The following RADIL variants were observed in gnomAD, a reference collection of about 807,000 sequenced individuals.
RADIL encodes Rap associating with DIL domain, also known as ras-associating and dilute domain-containing protein.
RADIL carries 99 observed loss-of-function variants against 97.6 expected under a neutral mutation model. That is an observed-to-expected ratio of 1.01 (90% CI 0.86 to 1.20). The LOEUF (loss-of-function observed/expected upper bound fraction) is 1.20. Ranked by LOEUF, RADIL falls within the 50% of genes most tolerant of loss-of-function variation. RADIL has a pLI of 0.00. For missense variants in RADIL, 1,765 were observed against 1,498.9 expected, an observed-to-expected ratio of 1.18 and a Z score of -2.93; for synonymous variants, 803 against 691.8, an observed-to-expected ratio of 1.16 and a Z score of -2.52.
At chr7:4,875,759 G>C (rs549694362) in intron 2 of RADIL, among the ~76,000 whole-genome samples, 8 of 152,124 alleles carry the variant, frequency 5.3e-5, no homozygotes, top group Non-Finnish European at 1.5e-5. Flanking sequence ...CCTCCCTTTC[G>C]GGTTTCCTGG....
At chr7:4,861,858 TCGCGGC>T in intron 2 of RADIL, 5 of 1,291,338 alleles carry the variant, frequency 3.9e-6, no homozygotes, top group Non-Finnish European at 5.1e-6. Context: ...ACCGCGACCT[TCGCGGC>T]CGCCGCCCGG....
In RADIL at chr7:4,837,644, C is replaced by T. The variant is rs1235654977; in HGVS notation, c.536-1039G>A. On this transcript the variant is annotated intron_variant, in intron 2 of 14. Transcript: ENST00000399583. The surrounding 1 kb of genome is among the most constrained non-coding windows in gnomAD (Gnocchi z 5.6). ...ACATGCACCCAAAAACACACATGCA[C>T]ACACATACACACACGCCAACACACA... Among the ~76,000 whole-genome samples the T allele has an allele frequency of 6.6e-6, 1 of 152,064 alleles. No homozygotes were observed. Among genetic ancestry groups the T allele is most frequent in the Non-Finnish European group, 1.5e-5 (1 of 68,004 alleles).
rs1205861306 is a variant in RADIL at position 4,809,050 on chromosome 7, C to T, written c.2140-3334G>A. On this transcript the variant is annotated intron_variant, in intron 9 of 14. Coordinates refer to ENST00000399583, the MANE Select transcript of RADIL (RefSeq NM_018059.5). ...TGTCCCCTTCCGACGCCACTGCCCC[C>T]CCGTTCCAATGCCACTGCCCCTCCG... 11 of 959,416 alleles carry T rather than the reference C, an allele frequency of 1.1e-5. No homozygotes were observed. The African/African-American group carries it at 2.1e-4, about 18-fold the overall frequency. The allele number at this position is 959,416 out of a possible 1,614,324, so 59.4% of individuals were successfully genotyped here.
rs1254454335 is a variant in RADIL at position 4,835,045 on chromosome 7, G to A, written c.978C>T (p.Ser326=). The part of the protein sequence containing the change: ...VLEPIPGAHI[S]VNFSEVGHRT... ...TGTGCCCCACCTCGGAGAAGTTGACGGAGATGTGCGCCCCGGGGATGGGCT... is the reference window on the plus strand; with the variant it reads ...TGTGCCCCACCTCGGAGAAGTTGACAGAGATGTGCGCCCCGGGGATGGGCT... The change falls in exon 4 of 15, where the codon TCC becomes TCT. Residue 326 remains serine (S), a synonymous_variant. Coordinates refer to ENST00000399583, the MANE Select transcript of RADIL (RefSeq NM_018059.5). The surrounding 1 kb of genome is among the most constrained non-coding windows in gnomAD (Gnocchi z 5.8). The A allele has an allele frequency of 5.0e-6, 8 of 1,609,454 alleles. No individual in the cohort carries two copies. The highest frequency in any genetic ancestry group is 2.2e-5 in the East Asian group (1 of 44,700).
chr7:4,828,447 G>C (rs1172470196), intron 5 of RADIL, among the ~76,000 whole-genome samples: 1 of 152,184 alleles, frequency 6.6e-6, no homozygotes, highest in Non-Finnish European at 1.5e-5. Context: ...GACAGAATGA[G>C]ACCCTGTCTC....
In RADIL at chr7:4,867,357, T is replaced by G. The variant is rs1448204580; in HGVS notation, c.535+10248A>C. Among the ~76,000 whole-genome samples, 2 of 151,932 alleles carry G rather than the reference T, an allele frequency of 1.3e-5. No homozygotes were observed. Among genetic ancestry groups the G allele is most frequent in the Admixed American group, 1.3e-4 (2 of 15,242 alleles). On this transcript the variant is annotated intron_variant, in intron 2 of 14. Coordinates refer to ENST00000399583, the MANE Select transcript of RADIL (RefSeq NM_018059.5). The surrounding 1 kb of genome is among the most constrained non-coding windows in gnomAD (Gnocchi z 4.1). ...CAGGTTCATTGTGTCACCATTTTAGTAGGAAGAAGCTGTACCCAATTTGAG... is the reference window on the plus strand; with the variant it reads ...CAGGTTCATTGTGTCACCATTTTAGGAGGAAGAAGCTGTACCCAATTTGAG...
rs760588803 is a variant in RADIL at position 4,855,620 on chromosome 7, TAAA to T, written c.536-19018_536-19016del. ...ACACTGTTAGACTTTTTTATTTTTG[TAAA>T]AAAAAAAAAAAAAAAAAAAAAAAAG... On this transcript the variant is annotated intron_variant, in intron 2 of 14. Coordinates refer to ENST00000399583, the MANE Select transcript of RADIL (RefSeq NM_018059.5). Among the ~76,000 whole-genome samples the T allele has an allele frequency of 4.9e-3, 432 of 88,142 alleles. 1 individual carries two copies. Among genetic ancestry groups the T allele is most frequent in the African/African-American group, 0.015 (403 of 27,362 alleles). The allele number at this position is 88,142 out of a possible 152,430, so 57.8% of individuals were successfully genotyped here.
At chr7:4,838,438 C>A (rs1011819683) in intron 2 of RADIL, among the ~76,000 whole-genome samples, 1 of 152,172 alleles carries the variant, frequency 6.6e-6, no homozygotes, top group Non-Finnish European at 1.5e-5. Flanking sequence ...CTCCTAGAGT[C>A]CCAGGGGCTC....
At position 4,871,989 on chromosome 7, in the gene RADIL, G is replaced by T. The variant is rs527726521; in HGVS notation, c.535+5616C>A. Among the ~76,000 whole-genome samples the T allele has an allele frequency of 3.5e-3, 533 of 152,262 alleles. 1 individual carries two copies. The highest frequency in any genetic ancestry group is 5.8e-3 in the Non-Finnish European group (394 of 68,018). Reference sequence around the variant, plus strand: ...CGGTGATGTCCCTGTCTCCAGGAACGCATGAATGCCAAGACTCTGCACGTC... The same window carrying T: ...CGGTGATGTCCCTGTCTCCAGGAACTCATGAATGCCAAGACTCTGCACGTC... On this transcript the variant is annotated intron_variant, in intron 2 of 14. Transcript: ENST00000399583.
At chr7:4,859,190 T>C (rs1057175881) in intron 2 of RADIL, 3 of 152,594 alleles carry the variant, frequency 2.0e-5, no homozygotes, top group Middle Eastern at 3.2e-3. Flanking sequence ...TGCACAATGG[T>C]ATCCAATTTT....
Position 4,815,526 on chromosome 7 carries a change from C to T in RADIL, c.1967-76G>A. The stretch of plus-strand genomic sequence containing the variant: ...CACAGACATGGGCCTGTCCCCAGAG[C>T]CTGCCCTTCCCGGCTCTGGGCCACT... On this transcript the variant is annotated intron_variant, in intron 8 of 14. Coordinates refer to ENST00000399583, the MANE Select transcript of RADIL (RefSeq NM_018059.5). The surrounding 1 kb of genome is among the most constrained non-coding windows in gnomAD (Gnocchi z 8.0). The T allele has an allele frequency of 1.4e-6, 2 of 1,383,770 alleles. No homozygotes were observed. Among genetic ancestry groups the T allele is most frequent in the Non-Finnish European group, 1.9e-6 (2 of 1,049,582 alleles). 85.7% of individuals were successfully genotyped at this position (1,383,770 alleles called of 1,614,324 possible).
chr7:4,839,038 T>C (rs1270008137), intron 2 of RADIL, among the ~76,000 whole-genome samples: 3 of 152,228 alleles, frequency 2.0e-5, no homozygotes, highest in Non-Finnish European at 4.4e-5. Flanking sequence ...GGAGCCGCCA[T>C]GCACGGGAGG....
chr7:4,808,154 T>C (rs1782406622), intron 9 of RADIL, among the ~76,000 whole-genome samples: 1 of 123,220 alleles, frequency 8.1e-6, no homozygotes, highest in Non-Finnish European at 1.7e-5. Context: ...CCCGTCCTTC[T>C]CTCTCTCCCC....
At position 4,834,993 on chromosome 7, in the gene RADIL, G is replaced by C. The variant is rs1482296168; in HGVS notation, c.1030C>G (p.Leu344Val). The C allele has an allele frequency of 6.2e-7, 1 of 1,611,434 alleles. No homozygotes were observed. Among genetic ancestry groups the C allele is most frequent in the South Asian group, 1.1e-5 (1 of 90,854 alleles). The stretch of plus-strand genomic sequence containing the variant: ...AGGTAGTAGAGCCCCAGGGAGAGCA[G>C]GTCCCCGTGGTGCAGCACCACGGTC... ...HRTVVLHHGDLLSLGLYYLLL... is the reference protein window; with the variant it reads ...HRTVVLHHGDVLSLGLYYLLL... Residue 344 changes from leucine (L) to valine (V), a missense_variant, in exon 4 of 15, where the codon CTG becomes GTG. Physicochemically the swap from Leu to Val is conservative, Grantham distance 32 (BLOSUM62 1). Coordinates refer to ENST00000399583, the MANE Select transcript of RADIL (RefSeq NM_018059.5). This position sits in a 1 kb window ranked among gnomAD's most constrained non-coding sequence, Gnocchi z 6.0.
At chr7:4,836,222 C>T (rs1451315746) in intron 3 of RADIL, 136 bp downstream of exon 3, 5 of 1,354,194 alleles carry the variant, frequency 3.7e-6, no homozygotes, top group East Asian at 2.5e-5. Context: ...TCCACAGCCT[C>T]GGCACAGCCA....
intron 10 of RADIL, among the ~76,000 whole-genome samples, chr7:4,804,553 G>A (rs554664534): frequency 2.6e-5 from 4 of 152,362 alleles, no homozygotes; most frequent in Non-Finnish European, 4.4e-5. Context: ...TTGGGAGGCA[G>A]GAGCAGGCAG....
Position 4,803,702 on chromosome 7 carries a change from G to A in RADIL, c.2343C>T (p.Asp781=), listed in dbSNP as rs774392101. 2.7e-5 allele frequency: 42 copies of A among 1,566,850 alleles called. No homozygotes were observed. The highest frequency in any genetic ancestry group is 2.4e-4 in the Admixed American group (13 of 53,128). ...TGGCTTCCAAGTCCACCTGGAAGCCGTCGCTGGGCAGGACGATGGGTGGGG... is the reference window on the plus strand; with the variant it reads ...TGGCTTCCAAGTCCACCTGGAAGCCATCGCTGGGCAGGACGATGGGTGGGG... ...ENPPPIVLPS[D]GFQVDLEANC... is the part of the protein sequence containing the mutation. Residue 781 remains aspartate (D), a synonymous_variant, in exon 11 of 15, where the codon GAC becomes GAT. Transcript: ENST00000399583.
rs2115004072 is a variant in RADIL at position 4,836,584 on chromosome 7, C to T, written c.557G>A (p.Arg186Lys). 1.2e-6 allele frequency: 2 copies of T among 1,607,746 alleles called. No homozygotes were observed. The highest frequency in any genetic ancestry group is 1.1e-5 in the South Asian group (1 of 91,038). ...ITAGINAQAR[R>K]LQRSRAKGTP... ...TCCCTTCGCGCGACTCCGCTGCAGC[C>T]TCCGGGCCTGGGCGTTTATCCCTGG... The change falls in exon 3 of 15, where the codon AGG becomes AAG. Residue 186 changes from arginine (R) to lysine (K), a missense_variant. Arg to Lys is a conservative substitution (Grantham distance 26, BLOSUM62 2). Transcript: ENST00000399583.
intron 5 of RADIL, among the ~76,000 whole-genome samples, chr7:4,825,140 G>A (rs1369784971): frequency 6.6e-6 from 1 of 152,172 alleles, no homozygotes; most frequent in African/African-American, 2.4e-5. Flanking sequence ...ACTCGGGGGG[G>A]GACAGCACAG....
Sources: allele counts gnomAD v4.1 joint callset (sites outside exome capture counted in the v4.1 genomes callset), GRCh38; gene constraint gnomAD v4.1.1; non-coding constraint Gnocchi (gnomAD v3.1); transcripts MANE v1.5; gene names NCBI Gene and HGNC (gene_info 2026-07-23, HGNC 2026-07-21).